Variants in FAM149B1 observed in about 807,000 individuals in gnomAD.
FAM149B1 encodes the protein primary cilium assembly protein FAM149B1.
In FAM149B1, 56 loss-of-function variants were observed where a neutral mutation model predicts 75.3. The ratio of observed to expected loss-of-function variants is 0.74; its 90% confidence interval spans 0.60 to 0.93. The LOEUF (loss-of-function observed/expected upper bound fraction) is 0.93. Ranked by LOEUF, FAM149B1 falls within the 40% of genes least tolerant of loss-of-function variation. The pLI is 0.00. For missense variants in FAM149B1, 639 were observed against 708.4 expected (o/e 0.90, Z 1.11); for synonymous variants, 259 against 256.1 (o/e 1.01, Z -0.11).
chr10:73,215,313 C>A (rs1401678452), intron 7 of FAM149B1, among the ~76,000 whole-genome samples: 1 of 152,132 alleles, frequency 6.6e-6, no homozygotes, highest in Admixed American at 6.6e-5. Flanking sequence ...GCATGAGCTA[C>A]CATGCTCGGC....
Position 73,242,708 on chromosome 10 carries a change from C to T in FAM149B1, c.*1689C>T, listed in dbSNP as rs2133423571. 1 of 152,270 alleles carries T rather than the reference C, an allele frequency of 6.6e-6. No individual in the cohort carries two copies. The highest frequency in any genetic ancestry group is 1.5e-5 in the Non-Finnish European group (1 of 68,038). The allele number at this position is 152,270 out of a possible 1,614,324, so 9.4% of individuals were successfully genotyped here. On this transcript the variant is annotated 3_prime_UTR_variant, in exon 14 of 14. Transcript: ENST00000242505. ...ATCTCTTCATGCTAGGGAAACCAGG[C>T]TCTCTATTATAAAGCTGACCAGGGC...
At chr10:73,232,898 C>A in intron 9 of FAM149B1, 41 bp from the exon 10 acceptor site, 2 of 1,194,312 alleles carry the variant, frequency 1.7e-6, no homozygotes, top group Non-Finnish European at 2.4e-6. Context: ...CCTTGACATA[C>A]TGATCTTTAC....
intron 3 of FAM149B1, among the ~76,000 whole-genome samples, chr10:73,179,281 TC>T (rs1353857051): frequency 9.2e-5 from 14 of 152,256 alleles, no homozygotes; most frequent in African/African-American, 3.4e-4. Context: ...TATTTCTATA[TC>T]TTTTTTCAAT....
intron 5 of FAM149B1, among the ~76,000 whole-genome samples, chr10:73,203,273 C>T (rs951260203): frequency 3.9e-5 from 6 of 152,174 alleles, no homozygotes; most frequent in African/African-American, 1.4e-4. Context: ...CAGAATAATT[C>T]TGCTCATATT....
At chr10:73,192,509 G>C (rs1378244138) in intron 3 of FAM149B1, 47 bp from the exon 4 acceptor site, 1 of 1,522,852 alleles carries the variant, frequency 6.6e-7, no homozygotes, top group South Asian at 1.2e-5. Context: ...TTTTAACAGA[G>C]AGTGAATCAG....
Position 73,243,446 on chromosome 10 carries a change from G to C in FAM149B1, c.*2427G>C. ...AGCAGATTTTTTCCCTCCTCCTTTG[G>C]AAGATTTGCAGTACTTTGCTTCCAT... On this transcript the variant is annotated 3_prime_UTR_variant, in exon 14 of 14. Coordinates refer to ENST00000242505, the MANE Select transcript of FAM149B1 (RefSeq NM_173348.2). 6.2e-7 allele frequency: 1 copy of C among 1,613,854 alleles called. No individual in the cohort carries two copies. The highest frequency in any genetic ancestry group is 1.3e-5 in the African/African-American group (1 of 74,980).
intron 5 of FAM149B1, among the ~76,000 whole-genome samples, chr10:73,206,981 T>C (rs1432757396): frequency 2.6e-5 from 4 of 152,104 alleles, no homozygotes; most frequent in Admixed American, 1.3e-4. Context: ...GCAGCTTCCA[T>C]GTGGTGTTAA....
At chr10:73,172,110 C>T (rs937036783) in intron 1 of FAM149B1, among the ~76,000 whole-genome samples, 3 of 152,248 alleles carry the variant, frequency 2.0e-5, no homozygotes, top group African/African-American at 7.2e-5. Flanking sequence ...ATTGTCAATT[C>T]ATAGATTTCC....
At chr10:73,182,096 T>A (rs2042412443) in intron 3 of FAM149B1, among the ~76,000 whole-genome samples, 1 of 152,190 alleles carries the variant, frequency 6.6e-6, no homozygotes, top group Admixed American at 6.5e-5. Flanking sequence ...GGGTATGGAA[T>A]ATCTTTTTCC....
Position 73,208,667 on chromosome 10 carries a change from T to TA in FAM149B1, c.594dup (p.Ala199SerfsTer17). ...TACATTTTTCATCTTCTTATGCTCA[T>TA]AAAGCATCTTCCATTGCCAAATCCT... On this transcript the variant is annotated frameshift_variant, in exon 6 of 14. Coordinates refer to ENST00000242505, the MANE Select transcript of FAM149B1 (RefSeq NM_173348.2). LOFTEE classifies it high-confidence loss of function. 1 of 1,548,288 alleles carries TA rather than the reference T, an allele frequency of 6.5e-7. No individual in the cohort carries two copies. The highest frequency in any genetic ancestry group is 8.7e-7 in the Non-Finnish European group (1 of 1,144,826).
intron 12 of FAM149B1, among the ~76,000 whole-genome samples, chr10:73,236,415 T>C (rs2043823178): frequency 1.5e-5 from 2 of 132,008 alleles, no homozygotes; most frequent in Admixed American, 7.1e-5. Flanking sequence ...ATTTCTGCCT[T>C]TTTTTTTTTT....
At chr10:73,231,689 G>A (rs1589191939) in intron 9 of FAM149B1, among the ~76,000 whole-genome samples, 4 of 152,104 alleles carry the variant, frequency 2.6e-5, no homozygotes, top group East Asian at 1.9e-4. Context: ...AAGTTATCTC[G>A]ATTTCAAGCT....
chr10:73,235,064 T>C, intron 11 of FAM149B1, 124 bp downstream of exon 11: 5 of 1,454,472 alleles, frequency 3.4e-6, no homozygotes, highest in Non-Finnish European at 4.7e-6. Context: ...AACACAGTGC[T>C]AATTTATGAC....
rs200062408 is a variant in FAM149B1, at chr10:73,243,415, C to T, written c.*2396C>T. On this transcript the variant is annotated 3_prime_UTR_variant, in exon 14 of 14. Coordinates refer to ENST00000242505, the MANE Select transcript of FAM149B1 (RefSeq NM_173348.2). ...AAAAATTCCATTATTTCTTTTCTTT[C>T]TTGAGAGCAGATTTTTTCCCTCCTC... The T allele has an allele frequency of 1.5e-5, 25 of 1,613,870 alleles. No homozygotes were observed. In the Admixed American group the frequency reaches 2.2e-4, roughly 14 times the overall value.
chr10:73,228,757 G>A (rs748360506), intron 8 of FAM149B1, among the ~76,000 whole-genome samples: 4 of 151,930 alleles, frequency 2.6e-5, no homozygotes, highest in East Asian at 1.9e-4. Flanking sequence ...ACCACCACTC[G>A]GCTGATTTCT....
intron 3 of FAM149B1, among the ~76,000 whole-genome samples, chr10:73,180,969 T>A (rs938992766): frequency 6.6e-6 from 1 of 151,852 alleles, no homozygotes; most frequent in Admixed American, 6.6e-5. Flanking sequence ...CTGATCTTTA[T>A]TATTTATTTT....
chr10:73,206,620 G>T (rs894997318), intron 5 of FAM149B1, among the ~76,000 whole-genome samples: 5 of 152,256 alleles, frequency 3.3e-5, no homozygotes, highest in Admixed American at 3.3e-4. Flanking sequence ...CCAGGACCTT[G>T]TTGCCTTGAG....
intron 7 of FAM149B1, among the ~76,000 whole-genome samples, chr10:73,218,627 A>C (rs757483374): frequency 2.0e-5 from 3 of 152,166 alleles, no homozygotes; most frequent in Admixed American, 2.0e-4. Context: ...GGTTTGGTTA[A>C]GAGGATCTTT....
At chr10:73,216,198 C>A (rs2043294684) in intron 7 of FAM149B1, among the ~76,000 whole-genome samples, 1 of 152,156 alleles carries the variant, frequency 6.6e-6, no homozygotes, top group African/African-American at 2.4e-5. Flanking sequence ...TCTGTTTCAT[C>A]TGCTATAAGT....
Sources: allele counts gnomAD v4.1 joint callset (sites outside exome capture counted in the v4.1 genomes callset), GRCh38; gene constraint gnomAD v4.1.1; transcripts MANE v1.5; gene names NCBI Gene and HGNC (gene_info 2026-07-23, HGNC 2026-07-21).